SYNE1: variants seen among roughly 807,000 people sequenced by gnomAD.
The protein encoded by SYNE1 is nesprin-1.
A neutral mutation model predicts 1,111.0 loss-of-function variants in SYNE1; 616 were observed. The observed-to-expected ratio is 0.55, with a 90% CI of 0.52 to 0.59. The LOEUF is 0.59. Ranked by LOEUF, SYNE1 falls within the 20% of genes least tolerant of loss-of-function variation. The pLI, the probability that SYNE1 is intolerant of heterozygous loss-of-function variation, is 0.00. For missense variants in SYNE1, 10,006 were observed against 10,417.0 expected (o/e 0.96, Z 1.72); for synonymous variants, 3,855 against 3,825.8 (o/e 1.01, Z -0.28).
At chr6:152,256,550 A>AGGG in intron 102 of SYNE1, 84 bp downstream of exon 102, 1 of 1,580,894 alleles carries the variant, frequency 6.3e-7, no homozygotes, top group East Asian at 2.3e-5. Flanking sequence ...TGGATGCAAC[A>AGGG]GTCTCACAGA....
intron 39 of SYNE1, among the ~76,000 whole-genome samples, chr6:152,423,476 A>G (rs1417985193): frequency 6.6e-6 from 1 of 151,846 alleles, no homozygotes; most frequent in Non-Finnish European, 1.5e-5. Context: ...TTGACTCTGC[A>G]CTCTTCTCTC....
At chr6:152,558,979 T>C (rs2099384994) in intron 3 of SYNE1, among the ~76,000 whole-genome samples, 1 of 72,924 alleles carries the variant, frequency 1.4e-5, no homozygotes, top group Non-Finnish European at 2.7e-5. Flanking sequence ...ATTTAATTTT[T>C]ATTTATTTAT....
In SYNE1 at chr6:152,472,428, A is replaced by T. The variant is rs750754911; in HGVS notation, c.1351-15T>A. ...TGAAGCAGATCCTAAGATACAGTTT[A>T]AAAAAAAATAAAAAATGAAAAACAT... On this transcript the variant is annotated splice_polypyrimidine_tract_variant and intron_variant, in intron 14 of 145. Coordinates refer to ENST00000367255, the MANE Select transcript of SYNE1 (RefSeq NM_182961.4). 7.6e-6 allele frequency: 12 copies of T among 1,570,954 alleles called. No individual in the cohort carries two copies. The highest frequency in any genetic ancestry group is 5.1e-5 in the Admixed American group (3 of 59,242).
chr6:152,509,273 T>G (rs796616095), intron 8 of SYNE1, among the ~76,000 whole-genome samples: 1 of 129,104 alleles, frequency 7.7e-6, no homozygotes, highest in African/African-American at 2.9e-5. Flanking sequence ...TTTTTTGAGA[T>G]GGAGTCTAGC....
chr6:152,235,739 CTTATTTAT>C (rs922745232), intron 110 of SYNE1, among the ~76,000 whole-genome samples: 1 of 151,540 alleles, frequency 6.6e-6, no homozygotes, highest in Non-Finnish European at 1.5e-5. Context: ...ATCTACTTGC[CTTATTTAT>C]TTATTTATTT....
intron 3 of SYNE1, among the ~76,000 whole-genome samples, chr6:152,600,412 G>C (rs1272619239): frequency 6.6e-6 from 1 of 152,072 alleles, no homozygotes; most frequent in Non-Finnish European, 1.5e-5. Context: ...TTTTAAAATT[G>C]TTCCTATTTT....
At chr6:152,187,447 C>A (rs1333987997) in intron 128 of SYNE1, among the ~76,000 whole-genome samples, 3 of 151,996 alleles carry the variant, frequency 2.0e-5, no homozygotes, top group Non-Finnish European at 4.4e-5. Flanking sequence ...AAAAGAGATC[C>A]CAGGGCAGCA....
At chr6:152,470,960 C>G (rs1234856804) in intron 16 of SYNE1, among the ~76,000 whole-genome samples, 1 of 152,068 alleles carries the variant, frequency 6.6e-6, no homozygotes, top group East Asian at 1.9e-4. Context: ...AGTTACAGAG[C>G]AAACAAATTC....
At position 152,331,905 on chromosome 6, in the gene SYNE1, A is replaced by T; in HGVS notation, c.12795-15T>A. On this transcript the variant is annotated splice_polypyrimidine_tract_variant and intron_variant, in intron 77 of 145. Transcript: ENST00000367255. ...CTGCATCAGATCTGAAAATACATGG[A>T]AAGGTATAAGAGCAAATTAGCTGTA... is the stretch of plus-strand genomic sequence containing the variant. 6.2e-7 allele frequency: 1 copy of T among 1,607,980 alleles called. No homozygotes were observed. Among genetic ancestry groups the T allele is most frequent in the Non-Finnish European group, 8.5e-7 (1 of 1,179,954 alleles).
At chr6:152,593,985 T>C (rs1028697040) in intron 3 of SYNE1, among the ~76,000 whole-genome samples, 3 of 152,188 alleles carry the variant, frequency 2.0e-5, no homozygotes, top group Non-Finnish European at 4.4e-5. Flanking sequence ...AACTTCTTTT[T>C]ACCAATGTTT....
At chr6:152,138,308 CG>C (rs989144012) in intron 140 of SYNE1, among the ~76,000 whole-genome samples, 53 of 151,940 alleles carry the variant, frequency 3.5e-4, no homozygotes, top group African/African-American at 1.2e-3. Context: ...GTCAGGAATT[CG>C]AGACCAGCCT....
In SYNE1 at chr6:152,330,335, C is replaced by G; in HGVS notation, c.14350G>C (p.Glu4784Gln). The change falls in exon 78 of 146, where the codon GAG becomes CAG. Residue 4784 changes from glutamate (E) to glutamine (Q), a missense_variant. By Grantham distance (29) the Glu-to-Gln change is conservative (BLOSUM62 2). Around this residue, in one of 7 missense-constraint regions of SYNE1, gnomAD observed 4,955 missense variants for 5,017.2 expected, o/e 0.99. Coordinates refer to ENST00000367255, the MANE Select transcript of SYNE1 (RefSeq NM_182961.4). ...CTCTCCAGCTGTTGGCACATCTTCT[C>G]GTGTTCTTGGTAAGCACTGGTGGTG... ...EDTTSAYQEH[E>Q]KMCQQLERQL... The G allele has an allele frequency of 6.2e-7, 1 of 1,614,154 alleles. No homozygotes were observed. Among genetic ancestry groups the G allele is most frequent in the Non-Finnish European group, 8.5e-7 (1 of 1,180,034 alleles).
intron 12 of SYNE1, among the ~76,000 whole-genome samples, chr6:152,487,641 C>T (rs1052333802): frequency 2.6e-5 from 4 of 152,178 alleles, no homozygotes; most frequent in Non-Finnish European, 5.9e-5. Flanking sequence ...AGGCAGGTCG[C>T]AGTCGAAACT....
At chr6:152,363,744 G>A (rs1414085224) in intron 63 of SYNE1, 1 of 455,100 alleles carries the variant, frequency 2.2e-6, no homozygotes, top group South Asian at 1.6e-5. Flanking sequence ...CTCTCAGTTT[G>A]AGGGCAATAT....
chr6:152,277,841 A>T, intron 98 of SYNE1: 2 of 553,132 alleles, frequency 3.6e-6, no homozygotes, highest in Non-Finnish European at 6.6e-6. Context: ...CTTTCATGTC[A>T]GAGTGCTTTT....
intron 13 of SYNE1, 118 bp downstream of exon 13, chr6:152,484,717 C>T (rs2098930384): frequency 9.2e-7 from 1 of 1,092,664 alleles, no homozygotes; most frequent in Non-Finnish European, 1.3e-6. Flanking sequence ...TTAAGTCTTT[C>T]TAGCCTCAGA....
Position 152,162,664 on chromosome 6 carries a change from A to C in SYNE1, c.23790+1499T>G, listed in dbSNP as rs143146009. ...ACTTTAATTTCATAAAAATTGAAAA[A>C]CGTCTTGCTAACAGTTTTTTTAAAG... On this transcript the variant is annotated intron_variant, in intron 131 of 145. Coordinates refer to ENST00000367255, the MANE Select transcript of SYNE1 (RefSeq NM_182961.4). 2.0e-4 allele frequency among the ~76,000 whole-genome samples: 31 copies of C among 152,290 alleles called. No individual in the cohort carries two copies. The East Asian group carries it at 6.0e-3, about 29-fold the overall frequency.
At chr6:152,279,678 C>T (rs2093904368) in intron 97 of SYNE1, among the ~76,000 whole-genome samples, 1 of 145,276 alleles carries the variant, frequency 6.9e-6, no homozygotes, top group South Asian at 2.1e-4. Flanking sequence ...GGTTGCACCA[C>T]TGCTCTCCAG....
At chr6:152,464,322 G>C (rs546513176) in intron 18 of SYNE1, among the ~76,000 whole-genome samples, 188 of 152,234 alleles carry the variant, frequency 1.2e-3, no homozygotes, top group Non-Finnish European at 2.3e-3. Flanking sequence ...CCTTGTGTGG[G>C]AGGACTTTCC....
Sources: allele counts gnomAD v4.1 joint callset (sites outside exome capture counted in the v4.1 genomes callset), GRCh38; gene constraint gnomAD v4.1.1; regional missense constraint gnomAD v4.1.1; transcripts MANE v1.5; gene names NCBI Gene and HGNC (gene_info 2026-07-23, HGNC 2026-07-21).